ANKFN1: variants seen among roughly 807,000 people sequenced by gnomAD.
ANKFN1 encodes the protein ankyrin repeat and fibronectin type III domain containing 1, also known as ankyrin repeat and fibronectin type-III domain-containing protein 1.
Under a neutral mutation model 108.7 loss-of-function variants are expected in ANKFN1, and 74 were observed. That is an observed-to-expected ratio of 0.68 (90% CI 0.56 to 0.83). ANKFN1 has a LOEUF of 0.83. Ranked by LOEUF, ANKFN1 falls within the 40% of genes least tolerant of loss-of-function variation. ANKFN1 has a pLI of 0.00. For synonymous variants in ANKFN1, 547 were observed against 516.2 expected (o/e 1.06, Z -0.81); for missense variants, 1,505 against 1,382.3 (o/e 1.09, Z -1.41).
chr17:56,321,461 GA>G (rs34327424), intron 3 of ANKFN1, among the ~76,000 whole-genome samples: 8,089 of 98,904 alleles, frequency 0.082, 674 homozygotes, highest in African/African-American at 0.26. Flanking sequence ...CACTCCCTAA[GA>G]AAAAAAAAAA....
chr17:56,220,735 G>C (rs1915773501), intron 2 of ANKFN1, among the ~76,000 whole-genome samples: 1 of 147,382 alleles, frequency 6.8e-6, no homozygotes, highest in Admixed American at 6.8e-5. Flanking sequence ...AAGGAAAAGG[G>C]AAAGGGAAGA....
chr17:56,170,797 T>TACACACACACAC (rs1388858057), intron 1 of ANKFN1, among the ~76,000 whole-genome samples: 2 of 62,668 alleles, frequency 3.2e-5, no homozygotes, highest in African/African-American at 4.7e-5. Flanking sequence ...TATATATATA[T>TACACACACACAC]ATATATATAT....
intron 20 of ANKFN1, among the ~76,000 whole-genome samples, chr17:56,506,773 C>G (rs980575725): frequency 3.3e-5 from 5 of 151,936 alleles, no homozygotes; most frequent in African/African-American, 7.3e-5. Flanking sequence ...GAAGTTTCCA[C>G]AGAGAGTCAT....
intron 4 of ANKFN1, among the ~76,000 whole-genome samples, chr17:56,076,244 A>G (rs201827416): frequency 6.6e-6 from 1 of 152,178 alleles, no homozygotes; most frequent in East Asian, 1.9e-4. Context: ...ATTAATATGC[A>G]TTTGTTCAAC....
chr17:56,511,152 A>C lies in ANKFN1; in HGVS notation c.3324A>C (p.Ala1108=). 1 of 1,536,042 alleles carries C rather than the reference A, an allele frequency of 6.5e-7. No homozygotes were observed. The highest frequency in any genetic ancestry group is 8.7e-7 in the Non-Finnish European group (1 of 1,146,864). The change falls in exon 21 of 21, where the codon GCA becomes GCC. Residue 1108 remains alanine, a synonymous_variant. Coordinates refer to ENST00000682825, the MANE Select transcript of ANKFN1 (RefSeq NM_001370326.1). ...AVVAQDEKPW[A]SLSPPSGGRI... ...TGGCCCAGGACGAAAAACCATGGGC[A>C]AGCTTGAGCCCGCCCTCTGGAGGCC...
At chr17:56,049,431 T>C (rs1904735849) in intron 4 of ANKFN1, among the ~76,000 whole-genome samples, 2 of 151,992 alleles carry the variant, frequency 1.3e-5, no homozygotes, top group African/African-American at 4.8e-5. Context: ...AGGGTACATG[T>C]GCACATTGTG....
chr17:56,170,853 T>C (rs1910634222), intron 1 of ANKFN1, among the ~76,000 whole-genome samples: 1 of 126,486 alleles, frequency 7.9e-6, no homozygotes, highest in Non-Finnish European at 1.8e-5. Flanking sequence ...CATATATATA[T>C]GTATAGTCCC....
intron 8 of ANKFN1, among the ~76,000 whole-genome samples, chr17:56,424,713 G>C (rs2048504558): frequency 6.6e-6 from 1 of 152,140 alleles, no homozygotes; most frequent in Non-Finnish European, 1.5e-5. Flanking sequence ...TCCCTAATAA[G>C]GCTGATCTAC....
At chr17:56,051,903 C>T (rs1173330261) in intron 4 of ANKFN1, among the ~76,000 whole-genome samples, 1 of 150,332 alleles carries the variant, frequency 6.7e-6, no homozygotes, top group Non-Finnish European at 1.5e-5. Context: ...CAAACCACTG[C>T]TCAAAGAAAT....
intron 4 of ANKFN1, among the ~76,000 whole-genome samples, chr17:56,115,683 C>T (rs1002928296): frequency 1.3e-5 from 2 of 152,092 alleles, no homozygotes; most frequent in African/African-American, 4.8e-5. Flanking sequence ...TATACCTCTC[C>T]TTTGCTTTGG....
intron 3 of ANKFN1, among the ~76,000 whole-genome samples, chr17:56,257,007 G>C (rs1202375581): frequency 3.9e-5 from 6 of 152,156 alleles, no homozygotes; most frequent in African/African-American, 1.4e-4. Context: ...CCTATCACTC[G>C]CTATCCTGGT....
chr17:56,470,647 C>T (rs7219938), intron 15 of ANKFN1, among the ~76,000 whole-genome samples: 19,392 of 152,014 alleles, frequency 0.13, 3,451 homozygotes, highest in African/African-American at 0.4. Flanking sequence ...TGATCCACGA[C>T]GGGGTTTTCA....
intron 3 of ANKFN1, 57 bp downstream of exon 3, chr17:56,228,014 C>A: frequency 6.8e-7 from 1 of 1,462,596 alleles, no homozygotes; most frequent in Non-Finnish European, 9.4e-7. Flanking sequence ...TTCCTAAAGC[C>A]TCCTAATCTT....
At chr17:56,291,838 A>G (rs2044371850) in intron 3 of ANKFN1, among the ~76,000 whole-genome samples, 1 of 152,210 alleles carries the variant, frequency 6.6e-6, no homozygotes, top group Non-Finnish European at 1.5e-5. Context: ...TTTAGCACCA[A>G]ATACTTGCCT....
At chr17:56,050,742 A>T (rs1438575112) in intron 4 of ANKFN1, among the ~76,000 whole-genome samples, 1 of 152,132 alleles carries the variant, frequency 6.6e-6, no homozygotes, top group Non-Finnish European at 1.5e-5. Flanking sequence ...GTTCTGTTCC[A>T]TTGATCTATA....
At chr17:56,248,549 A>G (rs1479755400) in intron 3 of ANKFN1, among the ~76,000 whole-genome samples, 2 of 152,212 alleles carry the variant, frequency 1.3e-5, no homozygotes, top group Admixed American at 1.3e-4. Flanking sequence ...TCAGAACAAT[A>G]TTATGAGGCT....
chr17:56,224,500 A>G (rs931598656), intron 2 of ANKFN1: 3 of 152,202 alleles, frequency 2.0e-5, no homozygotes, highest in Non-Finnish European at 4.4e-5. Flanking sequence ...TACATTATAC[A>G]ATTATACTCG....
chr17:56,191,036 C>A (rs1179388832), intron 1 of ANKFN1, among the ~76,000 whole-genome samples: 1 of 10,294 alleles, frequency 9.7e-5, no homozygotes, highest in Non-Finnish European at 1.5e-4. Context: ...GGATTGCAAC[C>A]CCTGCCTTTT....
chr17:56,473,818 T>G (rs1043301275), intron 15 of ANKFN1, among the ~76,000 whole-genome samples: 2 of 151,162 alleles, frequency 1.3e-5, no homozygotes, highest in Non-Finnish European at 3.0e-5. Context: ...AGTAATAGTC[T>G]TAAAAAATTG....
Sources: gnomAD v4.1 joint callset for allele counts (sites outside exome capture counted in the v4.1 genomes callset) on GRCh38, gnomAD v4.1.1 for gene constraint, MANE v1.5 for transcripts, NCBI Gene and HGNC (gene_info 2026-07-23, HGNC 2026-07-21) for gene names.